The following CAST variants were observed in gnomAD, a reference collection of about 807,000 sequenced individuals.
The protein encoded by CAST is calpastatin.
In CAST, 76 loss-of-function variants were observed where a neutral mutation model predicts 119.6. That is an observed-to-expected ratio of 0.64 (90% CI 0.53 to 0.77). The LOEUF is 0.77. Among genes scored for constraint, CAST ranks in the 30% least tolerant of loss-of-function variants. CAST has a pLI of 0.00. For missense variants in CAST, 953 were observed against 946.5 expected, an observed-to-expected ratio of 1.01 and a Z score of -0.09; for synonymous variants, 319 against 331.6, an observed-to-expected ratio of 0.96 and a Z score of 0.41.
chr5:95,962,362 C>T, the CAST span, among the ~76,000 whole-genome samples: 1 of 152,208 alleles, frequency 6.6e-6, no homozygotes, highest in African/African-American at 2.4e-5. Context: ...TTGGTGCGTG[C>T]GTGTGGGGGA....
At chr5:95,992,052 G>T in the CAST span, among the ~76,000 whole-genome samples, 16 of 152,260 alleles carry the variant, frequency 1.1e-4, no homozygotes, top group Non-Finnish European at 2.1e-4. Context: ...CTAACCTTCT[G>T]CAGGTAAGAA....
the CAST span, among the ~76,000 whole-genome samples, chr5:96,298,879 A>AGTGTGTGT: frequency 0.27 from 40,901 of 149,108 alleles, 5,753 homozygotes; most frequent in Middle Eastern, 0.3. Flanking sequence ...AAATTAGGAG[A>AGTGTGTGT]GTGTGTGTGT....
At chr5:96,691,505 T>C (rs1752725221) in intron 2 of CAST, among the ~76,000 whole-genome samples, 1 of 152,212 alleles carries the variant, frequency 6.6e-6, no homozygotes, top group East Asian at 1.9e-4. Flanking sequence ...CACTAAGTCT[T>C]CTCATGTGTA....
chr5:96,006,088 G>T, the CAST span, among the ~76,000 whole-genome samples: 2 of 152,096 alleles, frequency 1.3e-5, no homozygotes, highest in Non-Finnish European at 2.9e-5. Context: ...AAGTTTAACT[G>T]GTTGACAGAT....
the CAST span, among the ~76,000 whole-genome samples, chr5:95,986,528 C>T: frequency 6.6e-6 from 1 of 152,110 alleles, no homozygotes; most frequent in African/African-American, 2.4e-5. Context: ...CTTAACAGGA[C>T]CCTTGGAGTA....
the CAST span, among the ~76,000 whole-genome samples, chr5:96,014,348 T>C: frequency 6.6e-6 from 1 of 152,042 alleles, no homozygotes; most frequent in African/African-American, 2.4e-5. Context: ...TCTTCTGAAA[T>C]ACCTCTTGAA....
At position 96,770,657 on chromosome 5, in the gene CAST, G is replaced by T; in HGVS notation, c.2340+55G>T. 7.6e-6 allele frequency: 9 copies of T among 1,187,684 alleles called. No individual in the cohort carries two copies. In the Admixed American group the frequency reaches 1.4e-4, roughly 18 times the overall value. The allele number at this position is 1,187,684 out of a possible 1,614,324, so 73.6% of individuals were successfully genotyped here. On this transcript the variant is annotated intron_variant, in intron 30 of 31. Coordinates refer to ENST00000675179, the MANE Select transcript of CAST (RefSeq NM_001750.7). ...TAGTTTAGCAGTTACACAGAGTAGG[G>T]TTTATCATTTCAGTCATTTAGTTTC...
chr5:96,487,406 T>A, the CAST span, among the ~76,000 whole-genome samples: 1 of 152,226 alleles, frequency 6.6e-6, no homozygotes, highest in African/African-American at 2.4e-5. Flanking sequence ...CGGAATCCCA[T>A]ACTTTCTGAT....
the CAST span, among the ~76,000 whole-genome samples, chr5:96,291,704 T>C: frequency 6.6e-6 from 1 of 152,090 alleles, no homozygotes; most frequent in Non-Finnish European, 1.5e-5. Flanking sequence ...ATGGAAGACT[T>C]AGCTTTCTAT....
At chr5:95,979,394 A>G in the CAST span, among the ~76,000 whole-genome samples, 1 of 152,234 alleles carries the variant, frequency 6.6e-6, no homozygotes, top group Non-Finnish European at 1.5e-5. Flanking sequence ...TCAGTTACAC[A>G]TGACATATGC....
Position 96,750,595 on chromosome 5 carries a change from G to A in CAST, c.1437G>A (p.Lys479=), listed in dbSNP as rs752873454. ...CTTGTGTCTTTCCTCAGGAATCTAA[G>A]GCCGCTGCTCCAGCTCCTGTGTCGG... ...SKPTEKTEES[K]AAAPAPVSEA... is the part of the protein sequence containing the mutation. The change falls in exon 20 of 32, where the codon AAG becomes AAA. Residue 479 remains lysine (K), a synonymous_variant. Transcript: ENST00000675179. The A allele has an allele frequency of 6.2e-7, 1 of 1,611,390 alleles. No homozygotes were observed. Among genetic ancestry groups the A allele is most frequent in the Non-Finnish European group, 8.5e-7 (1 of 1,177,932 alleles).
At chr5:96,101,306 AG>A in the CAST span, among the ~76,000 whole-genome samples, 1 of 152,200 alleles carries the variant, frequency 6.6e-6, no homozygotes, top group African/African-American at 2.4e-5. Context: ...TGGATATGGA[AG>A]GCTGACTATA....
the CAST span, among the ~76,000 whole-genome samples, chr5:96,465,203 T>C: frequency 1.3e-5 from 2 of 152,036 alleles, no homozygotes; most frequent in Non-Finnish European, 2.9e-5. Flanking sequence ...TTATTCTTTT[T>C]ATATTTTGTC....
At chr5:96,555,822 C>G (rs560411395) in intron 1 of CAST, among the ~76,000 whole-genome samples, 229 of 152,342 alleles carry the variant, frequency 1.5e-3, no homozygotes, top group Non-Finnish European at 2.6e-3. Context: ...AAACAAAAGG[C>G]AGCAGAAACC....
chr5:96,262,105 T>C, the CAST span, among the ~76,000 whole-genome samples: 2 of 152,222 alleles, frequency 1.3e-5, no homozygotes, highest in Admixed American at 6.5e-5. Context: ...AAAGTAGTCT[T>C]CCTTGTGATG....
At chr5:96,315,774 T>A in the CAST span, among the ~76,000 whole-genome samples, 18 of 152,194 alleles carry the variant, frequency 1.2e-4, no homozygotes, top group Admixed American at 2.0e-4. Flanking sequence ...CTGTAGGTTT[T>A]CACTTTCTGT....
chr5:96,499,671 G>A, the CAST span, among the ~76,000 whole-genome samples: 1 of 152,082 alleles, frequency 6.6e-6, no homozygotes, highest in Non-Finnish European at 1.5e-5. Context: ...TGATGCTGTT[G>A]GATAGCATTT....
chr5:96,619,680 G>A (rs1444138110), intron 1 of CAST, among the ~76,000 whole-genome samples: 1 of 152,100 alleles, frequency 6.6e-6, no homozygotes, highest in Non-Finnish European at 1.5e-5. Context: ...CCACCAGAAG[G>A]AAGCAACTCC....
chr5:96,698,954 G>A (rs1368871317), intron 3 of CAST, among the ~76,000 whole-genome samples: 1 of 152,164 alleles, frequency 6.6e-6, no homozygotes, highest in Non-Finnish European at 1.5e-5. Context: ...TTGTAGAATT[G>A]TTTTATGAGA....
Sources: allele counts gnomAD v4.1 joint callset (sites outside exome capture counted in the v4.1 genomes callset), GRCh38; gene constraint gnomAD v4.1.1; transcripts MANE v1.5; gene names NCBI Gene and HGNC (gene_info 2026-07-23, HGNC 2026-07-21).